CNTNAP5: variants seen among roughly 807,000 people sequenced by gnomAD.
CNTNAP5 encodes the protein contactin associated protein family member 5, also known as contactin-associated protein-like 5.
A neutral mutation model predicts 150.2 loss-of-function variants in CNTNAP5; 72 were observed. That is an observed-to-expected ratio of 0.48 (90% CI 0.40 to 0.58). The LOEUF is 0.58. Ranked by LOEUF, CNTNAP5 falls within the 20% of genes least tolerant of loss-of-function variation. The probability of loss-of-function intolerance (pLI) is 0.00; values close to 1 mark genes in which losing one functional copy is unlikely to be tolerated. For missense variants in CNTNAP5, 1,636 were observed against 1,626.2 expected (o/e 1.01, Z -0.10); for synonymous variants, 672 against 619.8 (o/e 1.08, Z -1.25).
chr2:124,123,135 G>A (rs765824097), intron 1 of CNTNAP5, among the ~76,000 whole-genome samples: 10 of 152,044 alleles, frequency 6.6e-5, no homozygotes, highest in Admixed American at 2.6e-4. Context: ...AGGGGTCGGG[G>A]AATTCCCTTT....
intron 19 of CNTNAP5, among the ~76,000 whole-genome samples, chr2:124,802,944 GA>G (rs1160023338): frequency 6.6e-6 from 1 of 151,960 alleles, no homozygotes; most frequent in Non-Finnish European, 1.5e-5. Context: ...CTAACACGGT[GA>G]AAACTCATCT....
Position 124,417,388 on chromosome 2 carries a change from C to T in CNTNAP5, c.382-55C>T, listed in dbSNP as rs980246202. On this transcript the variant is annotated intron_variant, in intron 3 of 23. Transcript: ENST00000682447. ...TTCGTGGAGTAACAAATATGGTTTTCCACTGAAATTCCATGATAGCACAGA... is the reference window on the plus strand; with the variant it reads ...TTCGTGGAGTAACAAATATGGTTTTTCACTGAAATTCCATGATAGCACAGA... The T allele has an allele frequency of 2.6e-6, 4 of 1,563,636 alleles. No individual in the cohort carries two copies. The African/African-American group carries it at 5.4e-5, about 21-fold the overall frequency.
intron 1 of CNTNAP5, among the ~76,000 whole-genome samples, chr2:124,092,279 C>T (rs570100645): frequency 1.3e-5 from 2 of 152,264 alleles, no homozygotes; most frequent in South Asian, 2.1e-4. Context: ...CTTAAAAAGA[C>T]GATAGCCATC....
intron 14 of CNTNAP5, among the ~76,000 whole-genome samples, chr2:124,754,990 A>G (rs1454467985): frequency 6.6e-6 from 1 of 152,102 alleles, no homozygotes; most frequent in Non-Finnish European, 1.5e-5. Context: ...AAAATTCAAA[A>G]CCAAAATATC....
intron 7 of CNTNAP5, among the ~76,000 whole-genome samples, chr2:124,489,670 A>C (rs1693972863): frequency 6.6e-6 from 1 of 152,200 alleles, no homozygotes; most frequent in South Asian, 2.1e-4. Flanking sequence ...TAGGATTTTC[A>C]GCTCCATGAA....
At chr2:124,101,962 A>G (rs1683075466) in intron 1 of CNTNAP5, among the ~76,000 whole-genome samples, 1 of 152,044 alleles carries the variant, frequency 6.6e-6, no homozygotes, top group Non-Finnish European at 1.5e-5. Context: ...TGCCCCTCTC[A>G]CAGGCTGGTG....
At chr2:124,446,654 C>CTT in intron 5 of CNTNAP5, 99 bp from the exon 6 acceptor site, 1 of 1,190,630 alleles carries the variant, frequency 8.4e-7, no homozygotes, top group Non-Finnish European at 1.2e-6. Flanking sequence ...CATTCTTTGC[C>CTT]TTTAGAACAG....
At chr2:124,287,007 TG>T (rs1165759193) in intron 3 of CNTNAP5, among the ~76,000 whole-genome samples, 1 of 152,170 alleles carries the variant, frequency 6.6e-6, no homozygotes, top group African/African-American at 2.4e-5. Context: ...CTCAGATGTA[TG>T]GGATTGTCCC....
intron 3 of CNTNAP5, among the ~76,000 whole-genome samples, chr2:124,367,949 T>C (rs1463305458): frequency 6.6e-6 from 1 of 152,182 alleles, no homozygotes; most frequent in African/African-American, 2.4e-5. Context: ...CCATCAAATA[T>C]GTTGCACATG....
chr2:124,138,753 T>A (rs1393502594), intron 1 of CNTNAP5, among the ~76,000 whole-genome samples: 3 of 152,092 alleles, frequency 2.0e-5, no homozygotes, highest in Non-Finnish European at 2.9e-5. Context: ...TTGTCTAGAA[T>A]CTCCGAAATA....
At chr2:124,616,034 A>C (rs1458186532) in intron 12 of CNTNAP5, among the ~76,000 whole-genome samples, 1 of 152,124 alleles carries the variant, frequency 6.6e-6, no homozygotes, top group Non-Finnish European at 1.5e-5. Context: ...GGTCCCATCC[A>C]GGCTTTATTA....
intron 22 of CNTNAP5, among the ~76,000 whole-genome samples, chr2:124,910,264 G>T (rs1406808002): frequency 6.6e-6 from 1 of 151,970 alleles, no homozygotes; most frequent in African/African-American, 2.4e-5. Flanking sequence ...CAAGCTTGAG[G>T]TCCCACTCGT....
chr2:124,273,683 G>A lies in CNTNAP5; in HGVS notation c.381+31290G>A, dbSNP rs542074554. 2.6e-5 allele frequency among the ~76,000 whole-genome samples: 4 copies of A among 152,310 alleles called. No individual in the cohort carries two copies. In the South Asian group the frequency reaches 8.3e-4, roughly 32 times the overall value. On this transcript the variant is annotated intron_variant, in intron 3 of 23. Coordinates refer to ENST00000682447, the MANE Select transcript of CNTNAP5 (RefSeq NM_001367498.1). ...TGTAAACCCTGGTTCACCTGAATGT[G>A]ATTGGAGCATGGTATTGTGGTCTCC...
chr2:124,408,826 C>T (rs1246923737), intron 3 of CNTNAP5, among the ~76,000 whole-genome samples: 2 of 152,158 alleles, frequency 1.3e-5, no homozygotes. Context: ...AAATGCAGAG[C>T]TCCTCTCCTC....
At chr2:124,698,657 A>G (rs769677421) in intron 13 of CNTNAP5, among the ~76,000 whole-genome samples, 4 of 152,064 alleles carry the variant, frequency 2.6e-5, no homozygotes, top group Admixed American at 6.6e-5. Context: ...GCTTCTGCTC[A>G]TCATGGTCGA....
intron 5 of CNTNAP5, among the ~76,000 whole-genome samples, chr2:124,436,552 T>C (rs1259498437): frequency 6.6e-6 from 1 of 152,200 alleles, no homozygotes; most frequent in African/African-American, 2.4e-5. Flanking sequence ...TGAGTAAACA[T>C]GGACAAATGC....
chr2:124,750,553 G>A (rs922941982), intron 14 of CNTNAP5, among the ~76,000 whole-genome samples: 5 of 152,184 alleles, frequency 3.3e-5, no homozygotes, highest in Non-Finnish European at 7.3e-5. Context: ...CCTACTGTGT[G>A]CCAGACGGAT....
At chr2:124,786,440 AAG>A (rs1681589138) in intron 17 of CNTNAP5, among the ~76,000 whole-genome samples, 20 of 118,692 alleles carry the variant, frequency 1.7e-4, no homozygotes, top group East Asian at 1.2e-3. Context: ...GGAAGGAAGG[AAG>A]GAAGGAAAGA....
At chr2:124,590,541 C>T (rs574981498) in intron 11 of CNTNAP5, among the ~76,000 whole-genome samples, 11 of 152,236 alleles carry the variant, frequency 7.2e-5, no homozygotes, top group East Asian at 1.9e-4. Flanking sequence ...TCAAACCTAC[C>T]GCACAAGGGG....
Sources: gnomAD v4.1 joint callset for allele counts (sites outside exome capture counted in the v4.1 genomes callset) on GRCh38, gnomAD v4.1.1 for gene constraint, MANE v1.5 for transcripts, NCBI Gene and HGNC (gene_info 2026-07-23, HGNC 2026-07-21) for gene names.